NEBL: variants seen among roughly 807,000 people sequenced by gnomAD.
NEBL encodes nebulette.
A neutral mutation model predicts 140.2 loss-of-function variants in NEBL; 122 were observed. The observed-to-expected ratio is 0.87, with a 90% CI of 0.75 to 1.01. NEBL has a LOEUF of 1.01. Ranked by LOEUF, NEBL falls within the 50% of genes least tolerant of loss-of-function variation. The pLI is 0.00. For missense variants in NEBL, 1,365 were observed against 1,231.3 expected, an observed-to-expected ratio of 1.11 and a Z score of -1.62; for synonymous variants, 436 against 398.9, an observed-to-expected ratio of 1.09 and a Z score of -1.11.
At chr10:21,108,284 C>G (rs1837814782) in intron 2 of NEBL, among the ~76,000 whole-genome samples, 1 of 152,106 alleles carries the variant, frequency 6.6e-6, no homozygotes, top group Non-Finnish European at 1.5e-5. Context: ...TTCCTTCTTT[C>G]TCTTGTGGGC....
chr10:21,089,047 C>G (rs949836477), intron 2 of NEBL, among the ~76,000 whole-genome samples: 1 of 152,046 alleles, frequency 6.6e-6, no homozygotes, highest in Non-Finnish European at 1.5e-5. Flanking sequence ...GGTGCAGTGA[C>G]AGAGGAGACA....
chr10:20,971,621 T>A (rs1231668600), intron 3 of NEBL, among the ~76,000 whole-genome samples: 3 of 130,090 alleles, frequency 2.3e-5, no homozygotes, highest in Non-Finnish European at 3.2e-5. Flanking sequence ...AATTTTTTTT[T>A]TTTTTTTTTT....
chr10:20,968,903 G>A (rs978506024), intron 3 of NEBL, among the ~76,000 whole-genome samples: 2 of 152,280 alleles, frequency 1.3e-5, no homozygotes, highest in Admixed American at 6.5e-5. Flanking sequence ...GCTCAATTAT[G>A]TATAGTTCTT....
Position 21,077,399 on chromosome 10 carries a change from T to C in NEBL, c.165-57198A>G, listed in dbSNP as rs981855260. 9.2e-5 allele frequency among the ~76,000 whole-genome samples: 14 copies of C among 152,076 alleles called. No homozygotes were observed. In the South Asian group the frequency reaches 1.2e-3, roughly 14 times the overall value. On this transcript the variant is annotated intron_variant, in intron 2 of 6. Transcript: ENST00000417816. ...GCGGGTGGGTCACAAGGTCAGGAGA[T>C]AGAGACCATCCTGGCTAACAACATG...
chr10:21,029,325 A>C, intron 2 of NEBL: 1 of 1,610,598 alleles, frequency 6.2e-7, no homozygotes, highest in Non-Finnish European at 8.5e-7. Flanking sequence ...ATGTGACAGA[A>C]GAGTCAATTA....
intron 1 of NEBL, among the ~76,000 whole-genome samples, chr10:21,283,916 A>G (rs1445177057): frequency 6.6e-6 from 1 of 151,728 alleles, no homozygotes; most frequent in Non-Finnish European, 1.5e-5. Flanking sequence ...TGGCTTGGCC[A>G]GTCGGGCATG....
At chr10:21,116,669 C>A (rs78246976) in intron 2 of NEBL, among the ~76,000 whole-genome samples, 2 of 151,884 alleles carry the variant, frequency 1.3e-5, no homozygotes, top group Admixed American at 6.6e-5. Flanking sequence ...CTGGTAATTT[C>A]TTTTTCTTTT....
At chr10:20,966,246 G>A (rs1836310376) in intron 3 of NEBL, among the ~76,000 whole-genome samples, 1 of 152,190 alleles carries the variant, frequency 6.6e-6, no homozygotes, top group African/African-American at 2.4e-5. Context: ...AACATGATAT[G>A]CATGTGTACA....
In NEBL at chr10:21,092,202, A is replaced by G. The variant is rs546169441; in HGVS notation, c.165-72001T>C. The stretch of plus-strand genomic sequence containing the variant: ...ATGGTCTTTCATTGATTGTGGGAAC[A>G]AGGATACATGTTCTACGGGTGTGCC... On this transcript the variant is annotated intron_variant, in intron 2 of 6. Transcript: ENST00000417816. Among the ~76,000 whole-genome samples the G allele has an allele frequency of 2.0e-5, 3 of 152,332 alleles. No homozygotes were observed. In the East Asian group the frequency reaches 5.8e-4, roughly 29 times the overall value.
intron 2 of NEBL, among the ~76,000 whole-genome samples, chr10:21,074,573 G>A (rs992921157): frequency 6.6e-6 from 1 of 151,132 alleles, no homozygotes; most frequent in Admixed American, 6.6e-5. Context: ...TTCCTCCTGG[G>A]TTCAAGCGAT....
chr10:21,238,028 G>C (rs1022052110), intron 3 of NEBL, among the ~76,000 whole-genome samples: 1 of 152,206 alleles, frequency 6.6e-6, no homozygotes, highest in Non-Finnish European at 1.5e-5. Flanking sequence ...AGCCCATGCA[G>C]CAGCTACCAG....
chr10:21,208,071 G>A (rs1231139132), intron 3 of NEBL, among the ~76,000 whole-genome samples: 1 of 152,180 alleles, frequency 6.6e-6, no homozygotes, highest in African/African-American at 2.4e-5. Context: ...GCCAAGTGAG[G>A]ATATGAGAGG....
chr10:20,959,738 A>G (rs1835967131), intron 4 of NEBL, among the ~76,000 whole-genome samples: 1 of 152,060 alleles, frequency 6.6e-6, no homozygotes, highest in South Asian at 2.1e-4. Flanking sequence ...AGAACTACTT[A>G]TAAGACTGCT....
chr10:20,917,474 T>C (rs11012390), intron 4 of NEBL, among the ~76,000 whole-genome samples: 98,270 of 152,074 alleles, frequency 0.65, 32,152 homozygotes, highest in Admixed American at 0.73. Flanking sequence ...AAGTTGAGAC[T>C]GTTCAGGGGA....
At chr10:20,934,470 C>T (rs544514727) in intron 4 of NEBL, among the ~76,000 whole-genome samples, 10 of 152,246 alleles carry the variant, frequency 6.6e-5, no homozygotes, top group Non-Finnish European at 7.4e-5. Flanking sequence ...GAAGTGAGTC[C>T]GCAAAACTGA....
intron 3 of NEBL, among the ~76,000 whole-genome samples, chr10:20,974,202 G>A (rs1013813875): frequency 1.3e-5 from 2 of 151,790 alleles, no homozygotes; most frequent in African/African-American, 2.4e-5. Flanking sequence ...GCTACAAAAT[G>A]GCAATTCAAA....
chr10:21,154,840 G>A (rs905449228), intron 2 of NEBL, among the ~76,000 whole-genome samples: 3 of 152,134 alleles, frequency 2.0e-5, no homozygotes, highest in East Asian at 1.9e-4. Flanking sequence ...ACCTTTGTGG[G>A]TGTATAGTAG....
chr10:20,953,416 T>C (rs1298065734), intron 4 of NEBL, among the ~76,000 whole-genome samples: 1 of 151,816 alleles, frequency 6.6e-6, no homozygotes, highest in Non-Finnish European at 1.5e-5. Flanking sequence ...CTTCCCAGCC[T>C]CCAGAACTGT....
chr10:21,249,851 G>C (rs1842564264), intron 2 of NEBL, among the ~76,000 whole-genome samples: 2 of 151,992 alleles, frequency 1.3e-5, no homozygotes, highest in African/African-American at 4.8e-5. Flanking sequence ...ATCACCTGAG[G>C]TCAGGGGTTT....
Sources: gnomAD v4.1 joint callset for allele counts (sites outside exome capture counted in the v4.1 genomes callset) on GRCh38, gnomAD v4.1.1 for gene constraint, MANE v1.5 for transcripts, NCBI Gene and HGNC (gene_info 2026-07-23, HGNC 2026-07-21) for gene names.